The following KIAA0825 variants were observed in gnomAD, a reference collection of about 807,000 sequenced individuals.
KIAA0825 encodes the protein uncharacterized protein KIAA0825.
In KIAA0825, 119 loss-of-function variants were observed where a neutral mutation model predicts 147.6. The ratio of observed to expected loss-of-function variants is 0.81; its 90% CI spans 0.69 to 0.94. The LOEUF (loss-of-function observed/expected upper bound fraction) is 0.94. Ranked by LOEUF, KIAA0825 falls within the 40% of genes least tolerant of loss-of-function variation. The pLI is 0.00. For missense variants in KIAA0825, 1,381 were observed against 1,472.7 expected, an observed-to-expected ratio of 0.94 and a Z score of 1.02; for synonymous variants, 470 against 518.1, an observed-to-expected ratio of 0.91 and a Z score of 1.26.
At chr5:94,340,430 T>C (rs1484397045) in intron 20 of KIAA0825, among the ~76,000 whole-genome samples, 1 of 152,210 alleles carries the variant, frequency 6.6e-6, no homozygotes, top group Non-Finnish European at 1.5e-5. Context: ...AGAACCGTAC[T>C]TTAATGGTTA....
chr5:94,492,286 C>T (rs563453587), intron 5 of KIAA0825, among the ~76,000 whole-genome samples: 1 of 152,322 alleles, frequency 6.6e-6, no homozygotes, highest in South Asian at 2.1e-4. Flanking sequence ...TGACTTTGGA[C>T]AAATTACTTA....
At chr5:94,249,010 A>G (rs1775793224) in intron 20 of KIAA0825, among the ~76,000 whole-genome samples, 1 of 152,124 alleles carries the variant, frequency 6.6e-6, no homozygotes, top group Admixed American at 6.6e-5. Context: ...GAAGAAAGAA[A>G]GAATGAAAAT....
intron 20 of KIAA0825, among the ~76,000 whole-genome samples, chr5:94,202,751 A>C (rs1305151823): frequency 3.3e-5 from 5 of 152,234 alleles, no homozygotes; most frequent in African/African-American, 1.2e-4. Context: ...GCTCTGCTGC[A>C]AATGGCATAG....
intron 3 of KIAA0825, among the ~76,000 whole-genome samples, chr5:94,533,772 A>G (rs1233277835): frequency 3.9e-5 from 6 of 152,202 alleles, no homozygotes; most frequent in African/African-American, 1.4e-4. Flanking sequence ...TGTTTGAATA[A>G]ATGATTCATC....
intron 20 of KIAA0825, among the ~76,000 whole-genome samples, chr5:94,213,639 C>A (rs893912069): frequency 6.6e-5 from 10 of 152,214 alleles, no homozygotes; most frequent in African/African-American, 2.4e-4. Context: ...CCACCACAGA[C>A]AACATTGTTT....
chr5:94,471,306 C>T (rs897876532), intron 9 of KIAA0825, among the ~76,000 whole-genome samples, 160 bp downstream of exon 9: 75 of 152,110 alleles, frequency 4.9e-4, no homozygotes, highest in African/African-American at 1.7e-3. Flanking sequence ...CATGCTCCAC[C>T]TTTTTGATAT....
intron 2 of KIAA0825, among the ~76,000 whole-genome samples, chr5:94,553,367 G>A (rs1168754994): frequency 6.6e-6 from 1 of 150,438 alleles, no homozygotes; most frequent in African/African-American, 2.5e-5. Flanking sequence ...TTGAACCCAG[G>A]AGGCAGAGGT....
chr5:94,242,686 T>C (rs1255948226), intron 20 of KIAA0825, among the ~76,000 whole-genome samples: 1 of 152,010 alleles, frequency 6.6e-6, no homozygotes, highest in Middle Eastern at 3.4e-3. Flanking sequence ...AGTGCAGTGC[T>C]GCCATCTCGG....
chr5:94,540,682 A>C (rs771187318), intron 2 of KIAA0825, among the ~76,000 whole-genome samples: 7 of 152,248 alleles, frequency 4.6e-5, no homozygotes, highest in Non-Finnish European at 8.8e-5. Flanking sequence ...CATGTGACTG[A>C]AGTAATATTT....
intron 14 of KIAA0825, among the ~76,000 whole-genome samples, chr5:94,431,664 AAAAT>A (rs1341889461): frequency 5.3e-5 from 8 of 152,354 alleles, no homozygotes; most frequent in Non-Finnish European, 1.0e-4. Flanking sequence ...TAGGCATAAA[AAAAT>A]AAATAAAAAC....
intron 20 of KIAA0825, among the ~76,000 whole-genome samples, chr5:94,375,740 G>A (rs992418862): frequency 6.6e-6 from 1 of 152,168 alleles, no homozygotes; most frequent in African/African-American, 2.4e-5. Context: ...AAGTCAGCAG[G>A]AGGGATTTGG....
chr5:94,285,094 G>T (rs1326966787), intron 20 of KIAA0825, among the ~76,000 whole-genome samples: 1 of 152,010 alleles, frequency 6.6e-6, no homozygotes, highest in African/African-American at 2.4e-5. Context: ...TTATCAATTG[G>T]TTAAATAAAA....
intron 15 of KIAA0825, among the ~76,000 whole-genome samples, chr5:94,404,223 G>C (rs1751753964): frequency 6.6e-6 from 1 of 152,076 alleles, no homozygotes; most frequent in Non-Finnish European, 1.5e-5. Context: ...ATGTCCAATA[G>C]TAGGTGATTT....
chr5:94,388,874 A>C (rs542040614), intron 18 of KIAA0825, among the ~76,000 whole-genome samples: 1 of 152,260 alleles, frequency 6.6e-6, no homozygotes, highest in East Asian at 1.9e-4. Flanking sequence ...TTATTCCTCT[A>C]TTCATCATTT....
intron 11 of KIAA0825, among the ~76,000 whole-genome samples, chr5:94,463,016 A>G (rs1244111027): frequency 1.3e-5 from 2 of 151,882 alleles, no homozygotes; most frequent in African/African-American, 4.8e-5. Flanking sequence ...AAGTTACAAG[A>G]TTGGTAGCAT....
intron 20 of KIAA0825, among the ~76,000 whole-genome samples, chr5:94,189,911 C>G (rs1018042680): frequency 2.0e-5 from 3 of 151,986 alleles, no homozygotes; most frequent in Non-Finnish European, 4.4e-5. Context: ...TGAATTTATT[C>G]CCCCATTTAT....
Position 94,190,427 on chromosome 5 carries a change from G to A in KIAA0825, c.3711-36303C>T, listed in dbSNP as rs186506190. 3.3e-4 allele frequency among the ~76,000 whole-genome samples: 50 copies of A among 151,224 alleles called. No individual in the cohort carries two copies. In the East Asian group the frequency reaches 6.6e-3, roughly 20 times the overall value. ...TGCAAGCTCCTTCTCCTGGATTCAC[G>A]CCATTCTCCTGCCTCAGCCTCCTGA... On this transcript the variant is annotated intron_variant, in intron 20 of 20. Coordinates refer to ENST00000682413, the MANE Select transcript of KIAA0825 (RefSeq NM_001145678.3).
chr5:94,494,316 T>C (rs1232117161), intron 5 of KIAA0825, among the ~76,000 whole-genome samples: 1 of 136,860 alleles, frequency 7.3e-6, no homozygotes, highest in Non-Finnish European at 1.6e-5. Context: ...ATTCAATCCT[T>C]TTTTTTTTTT....
chr5:94,432,169 A>G (rs1755767210), intron 14 of KIAA0825, among the ~76,000 whole-genome samples: 1 of 152,244 alleles, frequency 6.6e-6, no homozygotes, highest in Non-Finnish European at 1.5e-5. Flanking sequence ...CTTCTATAGC[A>G]GCAGATACCT....
Sources: gnomAD v4.1 joint callset for allele counts (sites outside exome capture counted in the v4.1 genomes callset) on GRCh38, gnomAD v4.1.1 for gene constraint, MANE v1.5 for transcripts, NCBI Gene and HGNC (gene_info 2026-07-23, HGNC 2026-07-21) for gene names.